MZT2B: variants seen among roughly 807,000 people sequenced by gnomAD.
MZT2B encodes the protein mitotic-spindle organizing protein 2B.
Under a neutral mutation model 12.1 loss-of-function variants are expected in MZT2B, and 11 were observed. The observed-to-expected ratio is 0.91, with a 90% confidence interval of 0.57 to 1.50. The LOEUF is 1.50. Ranked by LOEUF, MZT2B falls within the 40% of genes most tolerant of loss-of-function variation. The pLI is 0.00. For missense variants in MZT2B, 209 were observed against 227.7 expected, an observed-to-expected ratio of 0.92 and a Z score of 0.53; for synonymous variants, 85 against 109.5, an observed-to-expected ratio of 0.78 and a Z score of 1.40.
In MZT2B at chr2:130,189,585, A is replaced by G. The variant is rs978712516; in HGVS notation, c.320-884A>G. Among the ~76,000 whole-genome samples, 16 of 152,278 alleles carry G rather than the reference A, an allele frequency of 1.1e-4. 1 individual carries two copies. Among genetic ancestry groups the G allele is most frequent in the East Asian group, 5.8e-4 (3 of 5,164 alleles). ...GGGAGAGCCCTGGCCAAGGCACTCC[A>G]CATGGGGGTCTGTGACCCCACGGGC... On this transcript the variant is annotated intron_variant, in intron 2 of 2. Transcript: ENST00000281871.
chr2:130,182,922 C>G lies in MZT2B; in HGVS notation c.319+147C>G, dbSNP rs1401060733. 1.1e-4 allele frequency: 132 copies of G among 1,159,450 alleles called. 1 individual carries two copies. The highest frequency in any genetic ancestry group is 1.5e-4 in the Non-Finnish European group (129 of 843,754). 71.8% of individuals were successfully genotyped at this position (1,159,450 alleles called of 1,614,324 possible). ...CACCTGCAGGGCCCATCCGTGGGCTCTGCTCCTGGGCTTCGCTGCCAGCCT... is the reference window on the plus strand; with the variant it reads ...CACCTGCAGGGCCCATCCGTGGGCTGTGCTCCTGGGCTTCGCTGCCAGCCT... On this transcript the variant is annotated intron_variant, in intron 2 of 2. Transcript: ENST00000281871.
rs924347287 is a variant in MZT2B, at chr2:130,184,840, A to G, written c.319+2065A>G. On this transcript the variant is annotated intron_variant, in intron 2 of 2. Transcript: ENST00000281871. ...GGTGTGGCAGGGAAGTGAGATGATCACACTCAGAGCCCAGTGAGAGGCAGT... is the reference window on the plus strand; with the variant it reads ...GGTGTGGCAGGGAAGTGAGATGATCGCACTCAGAGCCCAGTGAGAGGCAGT... 5 of 985,228 alleles carry G rather than the reference A, an allele frequency of 5.1e-6. No homozygotes were observed. In the African/African-American group the frequency reaches 8.7e-5, roughly 17 times the overall value. The allele number at this position is 985,228 out of a possible 1,614,324, so 61.0% of individuals were successfully genotyped here.
the MZT2B span, chr2:130,196,232 G>T: frequency 2.5e-6 from 4 of 1,613,980 alleles, no homozygotes; most frequent in Admixed American, 6.7e-5. Flanking sequence ...CGTGTTGAAG[G>T]AGTCGTCCCC....
the MZT2B span, among the ~76,000 whole-genome samples, chr2:130,202,749 C>G: frequency 2.9e-3 from 441 of 152,310 alleles, no homozygotes; most frequent in African/African-American, 0.01. Flanking sequence ...AGCAGCAACT[C>G]CCCCAGCCCC....
At chr2:130,200,248 G>A in the MZT2B span, among the ~76,000 whole-genome samples, 3 of 151,842 alleles carry the variant, frequency 2.0e-5, no homozygotes, top group Non-Finnish European at 2.9e-5. Flanking sequence ...AAAATTAGCC[G>A]GGCATGGCTG....
At chr2:130,193,289 A>T (rs1226701039), downstream of MZT2B, among the ~76,000 whole-genome samples, 1 of 152,030 alleles carries the variant, frequency 6.6e-6, no homozygotes, top group Non-Finnish European at 1.5e-5. Flanking sequence ...ACAGATATAT[A>T]GTGTGATGAC....
intron 2 of MZT2B, chr2:130,188,131 CTG>C (rs894845096): frequency 6.6e-6 from 1 of 151,968 alleles, no homozygotes; most frequent in Admixed American, 6.6e-5. Flanking sequence ...CCAGAAGGGA[CTG>C]GGTCATTGCT....
chr2:130,191,204 G>C (rs879574548), downstream of MZT2B, among the ~76,000 whole-genome samples: 1 of 152,172 alleles, frequency 6.6e-6, no homozygotes, highest in Non-Finnish European at 1.5e-5. Context: ...TTTCTACCAA[G>C]GCAGTTGACA....
At chr2:130,182,492 C>A in intron 1 of MZT2B, 40 bp downstream of exon 1, 1 of 1,540,864 alleles carries the variant, frequency 6.5e-7, no homozygotes. Flanking sequence ...AGCCAGACAC[C>A]CCCCGACCTC....
chr2:130,183,663 G>C (rs1467078989), intron 2 of MZT2B: 45 of 1,494,160 alleles, frequency 3.0e-5, no homozygotes, highest in Non-Finnish European at 3.7e-5. Flanking sequence ...CTGCCTTCAT[G>C]GGGGGAGTGC....
rs753392025 is a variant in MZT2B at position 130,190,612 on chromosome 2, C to T, written c.463C>T (p.Arg155Trp). The T allele has an allele frequency of 2.9e-5, 47 of 1,607,792 alleles. 1 individual carries two copies. The East Asian group carries it at 4.5e-4, about 15-fold the overall frequency. ...GGGCGGGCCTGGGAAGAGCCCTACA[C>T]GGGGCAGCACCTAGGATGGGGCAGA... ...KGGGPGKSPTRGST is the reference protein window; with the variant it reads ...KGGGPGKSPTWGST Residue 155 changes from arginine to tryptophan, a missense_variant, in exon 3 of 3, where the codon CGG (arginine) becomes TGG (tryptophan). Arg to Trp is a moderately radical substitution (Grantham distance 101, BLOSUM62 -3). Transcript: ENST00000281871.
chr2:130,198,563 A>G, the MZT2B span: 3 of 573,714 alleles, frequency 5.2e-6, no homozygotes, highest in Non-Finnish European at 8.4e-6. Flanking sequence ...CAACACGTGT[A>G]GTGGGGATGC....
At chr2:130,194,503 G>T (rs375433749), downstream of MZT2B, 4 of 1,518,146 alleles carry the variant, frequency 2.6e-6, no homozygotes, top group African/African-American at 4.1e-5. Context: ...AATGCCCGTG[G>T]AAGCCACACC....
intron 2 of MZT2B, chr2:130,184,536 A>T: frequency 1.0e-6 from 1 of 985,364 alleles, no homozygotes; most frequent in Non-Finnish European, 1.2e-6. Context: ...GGGTCCTGTG[A>T]GAGCCCAGGG....
chr2:130,197,505 A>AG, the MZT2B span, among the ~76,000 whole-genome samples: 1 of 109,048 alleles, frequency 9.2e-6, no homozygotes, highest in African/African-American at 4.3e-5. Flanking sequence ...AAAAAAAAAA[A>AG]AAAGAAAAGA....
At chr2:130,183,635 G>C (rs923966031) in intron 2 of MZT2B, 2 of 1,307,696 alleles carry the variant, frequency 1.5e-6, no homozygotes, top group African/African-American at 2.9e-5. Context: ...GGCATCCTGA[G>C]AAGGCGTGGA....
downstream of MZT2B, chr2:130,192,177 G>A (rs1172911457): frequency 1.3e-6 from 2 of 1,553,048 alleles, no homozygotes; most frequent in Non-Finnish European, 8.7e-7. Context: ...ATCAAACCTA[G>A]AAATGGTAGC....
chr2:130,190,026 A>G (rs2443642), intron 2 of MZT2B, among the ~76,000 whole-genome samples: 13 of 152,280 alleles, frequency 8.5e-5, no homozygotes, highest in African/African-American at 2.6e-4. Context: ...GTCACCATCT[A>G]GGGCAGCTCA....
chr2:130,184,103 C>T (rs923408195), intron 2 of MZT2B: 6 of 1,536,672 alleles, frequency 3.9e-6, no homozygotes, highest in South Asian at 3.6e-5. Context: ...GCCGCTTAGC[C>T]ACAGGGCACG....
Sources: gnomAD v4.1 joint callset for allele counts (sites outside exome capture counted in the v4.1 genomes callset) on GRCh38, gnomAD v4.1.1 for gene constraint, MANE v1.5 for transcripts, NCBI Gene and HGNC (gene_info 2026-07-23, HGNC 2026-07-21) for gene names.